The following OR7D2 variants were observed in gnomAD, a reference collection of about 807,000 sequenced individuals.
OR7D2 encodes olfactory receptor 7D2.
For missense variants in OR7D2, 370 were observed against 384.1 expected, an observed-to-expected ratio of 0.96 and a Z score of 0.31; for synonymous variants, 158 against 158.7, an observed-to-expected ratio of 1.00 and a Z score of 0.03.
intron 1 of OR7D2, among the ~76,000 whole-genome samples, chr19:9,180,027 A>G (rs769912004): frequency 6.6e-6 from 1 of 152,026 alleles, no homozygotes; most frequent in Non-Finnish European, 1.5e-5. Flanking sequence ...CAACAAAGCA[A>G]AGCAAAACAA....
rs1661799070 is a variant in OR7D2 at position 9,185,375 on chromosome 19, C to T, written c.-13-394C>T. Among the ~76,000 whole-genome samples, 10 of 151,360 alleles carry T rather than the reference C, an allele frequency of 6.6e-5. No homozygotes were observed. The South Asian group carries it at 1.9e-3, about 28-fold the overall frequency. ...ATGAGAGACTTCATTTTTTAGAATTCCATTTACGTATGAAAGATTAGACAA... is the reference window on the plus strand; with the variant it reads ...ATGAGAGACTTCATTTTTTAGAATTTCATTTACGTATGAAAGATTAGACAA... On this transcript the variant is annotated intron_variant, in intron 2 of 2. Transcript: ENST00000641288.
intron 2 of OR7D2, among the ~76,000 whole-genome samples, chr19:9,183,932 T>C (rs1383959591): frequency 9.6e-6 from 1 of 104,376 alleles, no homozygotes; most frequent in Non-Finnish European, 1.7e-5. Flanking sequence ...CACTCCAGCC[T>C]GGGCGACAGC....
intron 2 of OR7D2, among the ~76,000 whole-genome samples, chr19:9,181,464 T>G (rs1413148235): frequency 9.0e-5 from 13 of 144,940 alleles, no homozygotes; most frequent in Non-Finnish European, 2.0e-4. Flanking sequence ...TTTTTTTTTT[T>G]TTTTGAGATG....
chr19:9,186,050 A>G lies in OR7D2; in HGVS notation c.269A>G (p.Lys90Arg). The G allele has an allele frequency of 6.2e-7, 1 of 1,614,044 alleles. No individual in the cohort carries two copies. The highest frequency in any genetic ancestry group is 8.5e-7 in the Non-Finnish European group (1 of 1,180,014). ...CTGGTGAACATCCAGACCGAGAACA[A>G]AGCCATCTCCTACATGGACTGCCTC... ...KMLVNIQTENKAISYMDCLTQ... is the reference protein window; with the variant it reads ...KMLVNIQTENRAISYMDCLTQ... Residue 90 changes from lysine (K) to arginine (R), a missense_variant, in exon 3 of 3, where the codon AAA becomes AGA. Coordinates refer to ENST00000641288, the MANE Select transcript of OR7D2 (RefSeq NM_175883.4).
rs576857353 is a variant in OR7D2, at chr19:9,188,447, C to T, written c.*1727C>T. The T allele has an allele frequency of 4.2e-5, 7 of 167,050 alleles. No homozygotes were observed. The highest frequency in any genetic ancestry group is 1.9e-4 in the East Asian group (1 of 5,188). 10.3% of individuals were successfully genotyped at this position (167,050 alleles called of 1,614,324 possible). ...AAGTCCAGTCCTCCATTGATGGACA[C>T]GTAGGTTGATTCCATATCTTTGCTA... On this transcript the variant is annotated 3_prime_UTR_variant, in exon 3 of 3. Coordinates refer to ENST00000641288, the MANE Select transcript of OR7D2 (RefSeq NM_175883.4).
In OR7D2 at chr19:9,183,178, G is replaced by A. The variant is rs375166773; in HGVS notation, c.-14+2390G>A. The A allele has an allele frequency of 4.6e-4, 79 of 170,718 alleles. 1 individual carries two copies. Among genetic ancestry groups the A allele is most frequent in the Admixed American group, 7.6e-4 (12 of 15,830 alleles). 10.6% of individuals were successfully genotyped at this position (170,718 alleles called of 1,614,324 possible). ...TTCCAAGGCCGCCCCACCCCGCCCC[G>A]CCAACCCAGCTGCCTGCTCCCGTGG... On this transcript the variant is annotated intron_variant, in intron 2 of 2. Coordinates refer to ENST00000641288, the MANE Select transcript of OR7D2 (RefSeq NM_175883.4).
In OR7D2 at chr19:9,186,597, C is replaced by T. The variant is rs61732246; in HGVS notation, c.816C>T (p.Ser272=). 8.6e-5 allele frequency: 138 copies of T among 1,613,896 alleles called. No homozygotes were observed. Among genetic ancestry groups the T allele is most frequent in the Non-Finnish European group, 1.0e-4 (123 of 1,180,000 alleles). The change falls in exon 3 of 3, where the codon TCC becomes TCT. Residue 272 remains serine, a synonymous_variant. Coordinates refer to ENST00000641288, the MANE Select transcript of OR7D2 (RefSeq NM_175883.4). ...SAVTHSSQKI[S]VASVMYTVVT... is the part of the protein sequence containing the mutation. Reference sequence around the variant, plus strand: ...TGACTCACTCTTCCCAGAAAATCTCCGTGGCCTCGGTGATGTACACTGTGG... The same window carrying T: ...TGACTCACTCTTCCCAGAAAATCTCTGTGGCCTCGGTGATGTACACTGTGG...
At chr19:9,185,382 C>T (rs1310204206) in intron 2 of OR7D2, among the ~76,000 whole-genome samples, 3 of 151,406 alleles carry the variant, frequency 2.0e-5, no homozygotes, top group Admixed American at 1.3e-4. Flanking sequence ...ATTCCATTTA[C>T]GTATGAAAGA....
At chr19:9,181,793 A>G (rs971894199) in intron 2 of OR7D2, among the ~76,000 whole-genome samples, 1 of 152,124 alleles carries the variant, frequency 6.6e-6, no homozygotes, top group Non-Finnish European at 1.5e-5. Context: ...GAAGAGCACA[A>G]GTGAGATATT....
chr19:9,185,285 A>G (rs1447869293), intron 2 of OR7D2, among the ~76,000 whole-genome samples: 1 of 152,108 alleles, frequency 6.6e-6, no homozygotes, highest in Non-Finnish European at 1.5e-5. Context: ...CATAACATAT[A>G]TAGTATACGT....
chr19:9,181,104 A>C (rs2050986460), intron 2 of OR7D2, among the ~76,000 whole-genome samples: 1 of 151,418 alleles, frequency 6.6e-6, no homozygotes, highest in Non-Finnish European at 1.5e-5. Flanking sequence ...CAGCCTGGGC[A>C]ACAGACCCAG....
chr19:9,180,035 C>T (rs1377070314), intron 1 of OR7D2, among the ~76,000 whole-genome samples: 2 of 151,230 alleles, frequency 1.3e-5, no homozygotes, highest in Admixed American at 6.6e-5. Flanking sequence ...CAAAGCAAAA[C>T]AAAACAAGTA....
At position 9,186,593 on chromosome 19, in the gene OR7D2, T is replaced by TC; in HGVS notation, c.813dup (p.Ser272LeufsTer64). The TC allele has an allele frequency of 6.2e-7, 1 of 1,611,834 alleles. No homozygotes were observed. The highest frequency in any genetic ancestry group is 8.5e-7 in the Non-Finnish European group (1 of 1,179,242). On this transcript the variant is annotated frameshift_variant, in exon 3 of 3. Transcript: ENST00000641288. LOFTEE classifies it low-confidence loss of function (END_TRUNC). Reference sequence around the variant, plus strand: ...GCGGTGACTCACTCTTCCCAGAAAATCTCCGTGGCCTCGGTGATGTACACT... The same window carrying TC: ...GCGGTGACTCACTCTTCCCAGAAAATCCTCCGTGGCCTCGGTGATGTACACT...
intron 2 of OR7D2, among the ~76,000 whole-genome samples, chr19:9,181,444 C>CTTTTTTTTT (rs911771352): frequency 1.0e-4 from 8 of 77,948 alleles, no homozygotes; most frequent in Admixed American, 1.7e-4. Flanking sequence ...ATTTCCTAGA[C>CTTTTTTTTT]TTTTTTTTTT....
intron 2 of OR7D2, chr19:9,183,087 T>C (rs970782228): frequency 1.0e-5 from 3 of 298,802 alleles, no homozygotes; most frequent in African/African-American, 4.5e-5. Context: ...CCCCAGGAAC[T>C]TTAGTAGTTT....
chr19:9,183,955 CAAAAAAAAAAAAAAAAAAA>C (rs755935536), intron 2 of OR7D2, among the ~76,000 whole-genome samples: 141 of 19,490 alleles, frequency 7.2e-3, no homozygotes, highest in South Asian at 0.017. Context: ...GACTCCGTCT[CAAAAAAAAAAAAAAAAAAA>C]AAAAAAAAAA....
chr19:9,186,976 T>C lies in OR7D2; in HGVS notation c.*256T>C, dbSNP rs550916036. The stretch of plus-strand genomic sequence containing the variant: ...CTCTGTCTCCCAGGCTGGAGTGCAG[T>C]GGAGTGATCTCGGCTCACTGCAACC... On this transcript the variant is annotated 3_prime_UTR_variant, in exon 3 of 3. Coordinates refer to ENST00000641288, the MANE Select transcript of OR7D2 (RefSeq NM_175883.4). 4.4e-5 allele frequency: 13 copies of C among 295,246 alleles called. No homozygotes were observed. In the South Asian group the frequency reaches 5.3e-4, roughly 12 times the overall value. The allele number at this position is 295,246 out of a possible 1,614,324, so 18.3% of individuals were successfully genotyped here.
At chr19:9,179,795 A>T (rs1282769544) in intron 1 of OR7D2, among the ~76,000 whole-genome samples, 1 of 151,908 alleles carries the variant, frequency 6.6e-6, no homozygotes, top group Non-Finnish European at 1.5e-5. Context: ...CACAAGGTCA[A>T]GAGATCGAGA....
intron 2 of OR7D2, chr19:9,183,086 C>T (rs568416474): frequency 4.3e-5 from 13 of 300,770 alleles, no homozygotes; most frequent in African/African-American, 2.7e-4. Flanking sequence ...TCCCCAGGAA[C>T]TTTAGTAGTT....
Sources: gnomAD v4.1 joint callset for allele counts (sites outside exome capture counted in the v4.1 genomes callset) on GRCh38, gnomAD v4.1.1 for gene constraint, MANE v1.5 for transcripts, NCBI Gene and HGNC (gene_info 2026-07-23, HGNC 2026-07-21) for gene names.